The following NRXN3 variants were observed in gnomAD, a reference collection of about 807,000 sequenced individuals.
The protein encoded by NRXN3 is neurexin III.
Under a neutral mutation model 137.6 loss-of-function variants are expected in NRXN3, and 32 were observed. That is an observed-to-expected ratio of 0.23 (90% CI 0.18 to 0.31). The LOEUF (loss-of-function observed/expected upper bound fraction) is 0.31, where lower values mean the gene tolerates loss of function less well. NRXN3 is among the 10% of genes least tolerant of loss of function. The pLI is 1.00. For missense variants in NRXN3, 1,574 were observed against 2,062.5 expected, an observed-to-expected ratio of 0.76 and a Z score of 4.59; for synonymous variants, 798 against 784.5, an observed-to-expected ratio of 1.02 and a Z score of -0.29.
intron 4 of NRXN3, among the ~76,000 whole-genome samples, chr14:78,335,019 C>A (rs569651374): frequency 6.6e-6 from 1 of 152,258 alleles, no homozygotes; most frequent in South Asian, 2.1e-4. Flanking sequence ...GGATACCCCT[C>A]ACTTCATAAA....
chr14:78,709,429 A>T lies in NRXN3; in HGVS notation c.1434A>T (p.Thr478=). Reference sequence around the variant, plus strand: ...CCATCTCCTTTGACTTCCGCACCACAGAGCCCAATGGCCTGATCCTCTTCA... The same window carrying T: ...CCATCTCCTTTGACTTCCGCACCACTGAGCCCAATGGCCTGATCCTCTTCA... ...MGSISFDFRT[T]EPNGLILFTH... is the part of the protein sequence containing the mutation. The change falls in exon 7 of 21, where the codon ACA becomes ACT. Residue 478 remains threonine, a synonymous_variant. Transcript: ENST00000335750. 1.2e-6 allele frequency: 2 copies of T among 1,614,170 alleles called. No individual in the cohort carries two copies. The highest frequency in any genetic ancestry group is 1.7e-6 in the Non-Finnish European group (2 of 1,180,016).
intron 15 of NRXN3, among the ~76,000 whole-genome samples, chr14:79,254,608 G>A (rs1178070480): frequency 2.0e-5 from 3 of 152,184 alleles, no homozygotes; most frequent in Non-Finnish European, 4.4e-5. Flanking sequence ...CAAGGAGGAT[G>A]CTGTCTTACT....
At chr14:78,295,038 C>T (rs372099788) in intron 3 of NRXN3, among the ~76,000 whole-genome samples, 6 of 152,202 alleles carry the variant, frequency 3.9e-5, no homozygotes, top group East Asian at 3.9e-4. Context: ...AGGTAGAAGG[C>T]GGAGAAGCAG....
chr14:79,379,927 T>C (rs574217701), intron 15 of NRXN3, among the ~76,000 whole-genome samples: 1 of 152,148 alleles, frequency 6.6e-6, no homozygotes, highest in African/African-American at 2.4e-5. Flanking sequence ...ACGAAGTACA[T>C]TCTCTTGGGT....
At chr14:79,595,357 A>G (rs2097849481) in intron 16 of NRXN3, among the ~76,000 whole-genome samples, 1 of 152,156 alleles carries the variant, frequency 6.6e-6, no homozygotes, top group African/African-American at 2.4e-5. Context: ...TTTCATTTTC[A>G]TAGTTGCTTA....
chr14:78,716,236 A>G (rs1382027625), intron 8 of NRXN3, among the ~76,000 whole-genome samples: 2 of 152,174 alleles, frequency 1.3e-5, no homozygotes, highest in Admixed American at 6.5e-5. Context: ...ACACAAGGAG[A>G]TTCCAGTCAA....
chr14:79,395,808 C>CAA (rs11300542), intron 15 of NRXN3, among the ~76,000 whole-genome samples: 4 of 89,286 alleles, frequency 4.5e-5, no homozygotes, highest in African/African-American at 1.3e-4. Flanking sequence ...GACTCCATCT[C>CAA]AAAAAAAAAA....
At chr14:79,288,511 T>G (rs1566681648) in intron 15 of NRXN3, among the ~76,000 whole-genome samples, 2 of 152,224 alleles carry the variant, frequency 1.3e-5, no homozygotes. Flanking sequence ...TAATCCTCAC[T>G]AGCCTTTGAA....
At chr14:78,293,373 A>G (rs1489576238) in intron 3 of NRXN3, among the ~76,000 whole-genome samples, 1 of 152,054 alleles carries the variant, frequency 6.6e-6, no homozygotes, top group Non-Finnish European at 1.5e-5. Flanking sequence ...GGCACACTGG[A>G]TCTTTTGCTT....
intron 17 of NRXN3, among the ~76,000 whole-genome samples, chr14:79,682,308 T>C (rs1330116059): frequency 6.6e-6 from 1 of 152,188 alleles, no homozygotes; most frequent in African/African-American, 2.4e-5. Context: ...TAGCCAGATT[T>C]GAGGCCATGT....
chr14:79,146,242 T>C (rs2059288195), intron 15 of NRXN3, among the ~76,000 whole-genome samples: 1 of 152,126 alleles, frequency 6.6e-6, no homozygotes, highest in Non-Finnish European at 1.5e-5. Flanking sequence ...CAAGATGAAC[T>C]CCAGAGCCTG....
intron 16 of NRXN3, among the ~76,000 whole-genome samples, chr14:79,562,468 A>T (rs2097507473): frequency 2.0e-5 from 3 of 152,154 alleles, no homozygotes; most frequent in Non-Finnish European, 4.4e-5. Flanking sequence ...AAGAACTACC[A>T]GTCTGTTGTA....
rs553265063 is a variant in NRXN3 at position 78,759,093 on chromosome 14, A to G, written c.2044+43954A>G. On this transcript the variant is annotated intron_variant, in intron 8 of 20. Transcript: ENST00000335750. The stretch of plus-strand genomic sequence containing the variant: ...GACTTCACCCACACCACAAATGTAC[A>G]TTTAGTACCTCATCCTCCGGACCAG... 7.2e-5 allele frequency among the ~76,000 whole-genome samples: 11 copies of G among 152,332 alleles called. No homozygotes were observed. In the East Asian group the frequency reaches 2.1e-3, roughly 29 times the overall value.
chr14:79,115,687 G>C (rs2054318965), intron 15 of NRXN3, among the ~76,000 whole-genome samples: 1 of 152,150 alleles, frequency 6.6e-6, no homozygotes, highest in African/African-American at 2.4e-5. Context: ...AGTATTGATT[G>C]GAGAAAATAC....
intron 4 of NRXN3, among the ~76,000 whole-genome samples, chr14:78,303,330 G>C (rs954057493): frequency 9.2e-5 from 14 of 151,806 alleles, no homozygotes; most frequent in African/African-American, 3.1e-4. Flanking sequence ...AAGTTAATTG[G>C]GACTTGGACC....
In NRXN3 at chr14:78,448,099, A is replaced by G. The variant is rs540870144; in HGVS notation, c.757+150239A>G. Among the ~76,000 whole-genome samples the G allele has an allele frequency of 9.9e-5, 15 of 151,734 alleles. 1 individual carries two copies. The South Asian group carries it at 2.5e-3, about 25-fold the overall frequency. On this transcript the variant is annotated intron_variant, in intron 4 of 20. Coordinates refer to ENST00000335750, the MANE Select transcript of NRXN3 (RefSeq NM_001330195.2). ...CACAGGTCAAATACTACCTTCTTTG[A>G]CCTCCCCAACCATAATAATTTTTTC... is the stretch of plus-strand genomic sequence containing the variant.
intron 8 of NRXN3, chr14:78,744,451 A>G (rs1163106946): frequency 6.6e-6 from 1 of 152,190 alleles, no homozygotes; most frequent in Admixed American, 6.5e-5. Flanking sequence ...GTTTTGAGAT[A>G]CAGTTTTGTG....
intron 4 of NRXN3, among the ~76,000 whole-genome samples, chr14:78,387,224 G>A (rs1037872185): frequency 6.6e-6 from 1 of 152,088 alleles, no homozygotes; most frequent in Non-Finnish European, 1.5e-5. Context: ...AGGAAATAAT[G>A]ATTTACTTAA....
At chr14:78,700,912 C>T (rs141560985) in intron 6 of NRXN3, among the ~76,000 whole-genome samples, 158 of 152,238 alleles carry the variant, frequency 1.0e-3, no homozygotes, top group African/African-American at 3.7e-3. Context: ...GCTGGGATTA[C>T]AGGCATCCAC....
Sources: gnomAD v4.1 joint callset for allele counts (sites outside exome capture counted in the v4.1 genomes callset) on GRCh38, gnomAD v4.1.1 for gene constraint, MANE v1.5 for transcripts, NCBI Gene and HGNC (gene_info 2026-07-23, HGNC 2026-07-21) for gene names.